The following TECPR2 variants were observed in gnomAD, a reference collection of about 807,000 sequenced individuals.
TECPR2 encodes tectonin beta-propeller repeat containing 2, also known as tectonin beta-propeller repeat-containing protein 2.
In TECPR2, 65 loss-of-function variants were observed where a neutral mutation model predicts 138.1. That is an observed-to-expected ratio of 0.47 (90% CI 0.39 to 0.58). The LOEUF is 0.58. Among genes scored for constraint, TECPR2 ranks in the 20% least tolerant of loss-of-function variants. The pLI, the probability that TECPR2 is intolerant of heterozygous loss-of-function variation, is 0.00. For missense variants in TECPR2, 1,553 were observed against 1,824.5 expected (o/e 0.85, Z 2.71); for synonymous variants, 746 against 749.8 (o/e 0.99, Z 0.08).
intron 10 of TECPR2, among the ~76,000 whole-genome samples, chr14:102,439,894 G>A (rs1567342740): frequency 6.6e-6 from 1 of 152,144 alleles, no homozygotes; most frequent in African/African-American, 2.4e-5. Context: ...CTTCATCAAA[G>A]TCCTCTTCAC....
intron 17 of TECPR2, among the ~76,000 whole-genome samples, chr14:102,485,537 G>C (rs150715738): frequency 6.6e-6 from 1 of 152,296 alleles, no homozygotes; most frequent in African/African-American, 2.4e-5. Context: ...ATACCTAGAA[G>C]TAGACCACAG....
At chr14:102,433,841 G>T (rs529901083) in intron 8 of TECPR2, among the ~76,000 whole-genome samples, 70 of 152,198 alleles carry the variant, frequency 4.6e-4, no homozygotes, top group African/African-American at 1.6e-3. Context: ...TTCATTCTTT[G>T]TTATGGCTGT....
chr14:102,496,478 C>T (rs1223902287), intron 17 of TECPR2, among the ~76,000 whole-genome samples: 2 of 152,250 alleles, frequency 1.3e-5, no homozygotes, highest in Admixed American at 6.5e-5. Flanking sequence ...GGGCGGCAGT[C>T]TTGTGCCGCG....
In TECPR2 at chr14:102,414,668, G is replaced by A. The variant is rs778174670; in HGVS notation, c.513G>A (p.Glu171=). The A allele has an allele frequency of 6.2e-7, 1 of 1,614,238 alleles. No individual in the cohort carries two copies. The highest frequency in any genetic ancestry group is 1.7e-5 in the Admixed American group (1 of 60,028). Residue 171 remains glutamate, a synonymous_variant, in exon 5 of 20, where the codon GAG becomes GAA. Coordinates refer to ENST00000359520, the MANE Select transcript of TECPR2 (RefSeq NM_014844.5). ...GTAACTCCCAGCTGGTGTTGGAGGA[G>A]CCATCTTCCATTGTGCAGCTGGATT... ...GLCNSQLVLE[E]PSSIVQLDYS...
Position 102,452,467 on chromosome 14 carries a change from C to T in TECPR2, c.3480C>T (p.Pro1160=). 3.1e-6 allele frequency: 5 copies of T among 1,613,740 alleles called. No individual in the cohort carries two copies. In the South Asian group the frequency reaches 3.3e-5, roughly 11 times the overall value. The change falls in exon 16 of 20, where the codon CCC becomes CCT. Residue 1160 remains proline (P), a synonymous_variant. Transcript: ENST00000359520. ...SVSAQSAQSR[P]STVQLPPEAE... ...GCGCCCAGAGCGCACAGTCGCGGCC[C>T]TCCACGGTGCAGCTGCCTCCCGAAG... is the stretch of plus-strand genomic sequence containing the variant.
At chr14:102,458,025 C>A (rs1036565543) in intron 16 of TECPR2, among the ~76,000 whole-genome samples, 1 of 152,006 alleles carries the variant, frequency 6.6e-6, no homozygotes, top group Admixed American at 6.6e-5. Context: ...AGGCCTGTGC[C>A]ACCCCGCCCA....
chr14:102,499,181 G>A lies in TECPR2; in HGVS notation c.*924G>A, dbSNP rs1567367538. Reference sequence around the variant, plus strand: ...GTGTGTCCCAGGTAGGGACGGCACAGGAGGGTGCATGGGGCGTGGGGGAGC... The same window carrying A: ...GTGTGTCCCAGGTAGGGACGGCACAAGAGGGTGCATGGGGCGTGGGGGAGC... On this transcript the variant is annotated 3_prime_UTR_variant, in exon 20 of 20. Coordinates refer to ENST00000359520, the MANE Select transcript of TECPR2 (RefSeq NM_014844.5). The A allele has an allele frequency of 1.4e-6, 1 of 702,912 alleles. No individual in the cohort carries two copies. Among genetic ancestry groups the A allele is most frequent in the East Asian group, 2.7e-5 (1 of 37,278 alleles). The allele number at this position is 702,912 out of a possible 1,614,324, so 43.5% of individuals were successfully genotyped here.
intron 2 of TECPR2, among the ~76,000 whole-genome samples, chr14:102,388,224 C>T (rs565205432): frequency 2.2e-4 from 34 of 152,216 alleles, no homozygotes; most frequent in Non-Finnish European, 3.1e-4. Context: ...CAGGGCTTCA[C>T]GGGTGTCCTT....
At chr14:102,405,894 G>A (rs1888645675) in intron 2 of TECPR2, among the ~76,000 whole-genome samples, 1 of 152,110 alleles carries the variant, frequency 6.6e-6, no homozygotes, top group African/African-American at 2.4e-5. Flanking sequence ...GATGAACCTT[G>A]AAGATACTGT....
At chr14:102,472,922 G>A (rs1890679775) in intron 17 of TECPR2, among the ~76,000 whole-genome samples, 1 of 152,250 alleles carries the variant, frequency 6.6e-6, no homozygotes, top group Admixed American at 6.5e-5. Flanking sequence ...ACTGACGATT[G>A]TTTGCTGAGA....
intron 1 of TECPR2, among the ~76,000 whole-genome samples, chr14:102,375,590 A>G (rs1449169446): frequency 6.6e-6 from 1 of 152,220 alleles, no homozygotes; most frequent in Admixed American, 6.5e-5. Flanking sequence ...TCAGTCCACT[A>G]TGTAGAAATA....
intron 16 of TECPR2, among the ~76,000 whole-genome samples, chr14:102,453,101 A>C (rs189426463): frequency 2.8e-4 from 43 of 152,314 alleles, no homozygotes; most frequent in Non-Finnish European, 5.9e-4. Context: ...GCTCAGCCAG[A>C]TATAGGAGGA....
chr14:102,454,580 G>A (rs1046675597), intron 16 of TECPR2, among the ~76,000 whole-genome samples: 1 of 152,194 alleles, frequency 6.6e-6, no homozygotes, highest in African/African-American at 2.4e-5. Context: ...GGCTGAGAGT[G>A]GCCTGAACAT....
intron 17 of TECPR2, among the ~76,000 whole-genome samples, chr14:102,473,295 A>C (rs1262653327): frequency 6.6e-6 from 1 of 152,228 alleles, no homozygotes; most frequent in African/African-American, 2.4e-5. Context: ...TACACATGCG[A>C]ATCTTTAAAT....
chr14:102,386,975 C>T (rs1363154123), intron 2 of TECPR2, among the ~76,000 whole-genome samples: 1 of 151,958 alleles, frequency 6.6e-6, no homozygotes, highest in East Asian at 1.9e-4. Context: ...GGAGGTAGGC[C>T]CTCTGTGCAG....
intron 17 of TECPR2, among the ~76,000 whole-genome samples, chr14:102,496,496 C>G (rs949134554): frequency 1.3e-5 from 2 of 152,220 alleles, no homozygotes; most frequent in Middle Eastern, 3.2e-3. Flanking sequence ...GCGGCCTGGT[C>G]AACGCAGATG....
chr14:102,439,158 C>T (rs770936256), intron 10 of TECPR2, among the ~76,000 whole-genome samples: 3 of 152,086 alleles, frequency 2.0e-5, no homozygotes, highest in Admixed American at 6.6e-5. Context: ...GCCACTACGC[C>T]CGGCTTTGCT....
Position 102,362,964 on chromosome 14 carries a change from C to A in TECPR2, c.-225C>A, listed in dbSNP as rs901015486. The stretch of plus-strand genomic sequence containing the variant: ...CCACTTGTGGCTCTGCCGCTCTAGC[C>A]CCCGGCGGAGCCAGCTGCTGCTCTT... On this transcript the variant is annotated 5_prime_UTR_variant, in exon 1 of 20. Coordinates refer to ENST00000359520, the MANE Select transcript of TECPR2 (RefSeq NM_014844.5). 8.4e-5 allele frequency: 119 copies of A among 1,417,788 alleles called. No homozygotes were observed. The highest frequency in any genetic ancestry group is 9.3e-5 in the Non-Finnish European group (95 of 1,025,586). 87.8% of individuals were successfully genotyped at this position (1,417,788 alleles called of 1,614,324 possible).
intron 5 of TECPR2, among the ~76,000 whole-genome samples, chr14:102,424,387 A>G (rs1273827194): frequency 6.6e-6 from 1 of 152,182 alleles, no homozygotes; most frequent in Admixed American, 6.6e-5. Context: ...GTTGGAGTAC[A>G]GTAGTGGCAC....
Sources: gnomAD v4.1 joint callset for allele counts (sites outside exome capture counted in the v4.1 genomes callset) on GRCh38, gnomAD v4.1.1 for gene constraint, MANE v1.5 for transcripts, NCBI Gene and HGNC (gene_info 2026-07-23, HGNC 2026-07-21) for gene names.